Variants in ULK4 observed in about 807,000 individuals in gnomAD.
The protein encoded by ULK4 is unc-51 like kinase 4.
In ULK4, 133 loss-of-function variants were observed where a neutral mutation model predicts 160.6. The ratio of observed to expected loss-of-function variants is 0.83; its 90% confidence interval spans 0.72 to 0.96. The LOEUF (loss-of-function observed/expected upper bound fraction) is 0.96, where lower values mean the gene tolerates loss of function less well. Among genes scored for constraint, ULK4 ranks in the 40% least tolerant of loss-of-function variants. The probability of loss-of-function intolerance (pLI) is 0.00; values close to 1 mark genes in which losing one functional copy is unlikely to be tolerated. For missense variants in ULK4, 1,580 were observed against 1,499.5 expected (o/e 1.05, Z -0.89); for synonymous variants, 534 against 539.8 (o/e 0.99, Z 0.15).
chr3:41,608,643 T>C (rs191771065), intron 31 of ULK4, among the ~76,000 whole-genome samples: 112 of 152,314 alleles, frequency 7.4e-4, no homozygotes, highest in African/African-American at 2.6e-3. Context: ...CAATGCCTGA[T>C]CACAGTAAGC....
chr3:41,498,195 G>C (rs1438148307), intron 32 of ULK4, among the ~76,000 whole-genome samples: 1 of 152,192 alleles, frequency 6.6e-6, no homozygotes, highest in Non-Finnish European at 1.5e-5. Flanking sequence ...TGAAATGTTT[G>C]AGTGTGTTCA....
intron 34 of ULK4, among the ~76,000 whole-genome samples, chr3:41,405,727 T>C (rs1357824475): frequency 2.0e-5 from 3 of 152,210 alleles, no homozygotes; most frequent in African/African-American, 4.8e-5. Flanking sequence ...ACTAATTATG[T>C]GGAGCACTTT....
chr3:41,869,064 T>C (rs549010851), intron 17 of ULK4: 2 of 152,282 alleles, frequency 1.3e-5, no homozygotes, highest in East Asian at 1.9e-4. Context: ...TACAATCAAT[T>C]AGTTGTAAAC....
At chr3:41,380,672 T>C (rs1484314239) in intron 35 of ULK4, among the ~76,000 whole-genome samples, 1 of 152,126 alleles carries the variant, frequency 6.6e-6, no homozygotes, top group African/African-American at 2.4e-5. Flanking sequence ...TCCAAGTTTA[T>C]ACAGGTCGCC....
intron 35 of ULK4, among the ~76,000 whole-genome samples, chr3:41,303,136 C>G (rs1418236239): frequency 6.6e-6 from 1 of 152,024 alleles, no homozygotes; most frequent in Non-Finnish European, 1.5e-5. Flanking sequence ...ATAGTATTGC[C>G]TCTGATAATA....
At chr3:41,795,387 G>C (rs12186050) in intron 20 of ULK4, among the ~76,000 whole-genome samples, 18,583 of 152,100 alleles carry the variant, frequency 0.12, 1,333 homozygotes, top group Middle Eastern at 0.27. Flanking sequence ...CCAGTAAAGA[G>C]GGGAGTTTAA....
intron 21 of ULK4, among the ~76,000 whole-genome samples, chr3:41,773,523 A>T (rs1466777278): frequency 6.6e-6 from 1 of 152,222 alleles, no homozygotes. Flanking sequence ...AGGGATGTCA[A>T]GGACCTCTTC....
At chr3:41,411,826 C>T (rs996679021) in intron 34 of ULK4, among the ~76,000 whole-genome samples, 3 of 151,936 alleles carry the variant, frequency 2.0e-5, no homozygotes, top group South Asian at 4.2e-4. Context: ...CCCCTCTTTT[C>T]GTGGACATTC....
intron 32 of ULK4, among the ~76,000 whole-genome samples, chr3:41,550,853 A>G (rs558630665): frequency 1.3e-5 from 2 of 152,150 alleles, no homozygotes; most frequent in African/African-American, 4.8e-5. Flanking sequence ...TCAGCACATT[A>G]AACATTCTCC....
chr3:41,815,498 G>A (rs1486387398), intron 19 of ULK4, among the ~76,000 whole-genome samples: 1 of 152,102 alleles, frequency 6.6e-6, no homozygotes, highest in Non-Finnish European at 1.5e-5. Flanking sequence ...TTGCTGCTAA[G>A]AAATTAGCTG....
chr3:41,731,357 G>GA (rs2037814913), intron 22 of ULK4, among the ~76,000 whole-genome samples: 1 of 151,658 alleles, frequency 6.6e-6, no homozygotes, highest in Admixed American at 6.6e-5. Flanking sequence ...CAAACTATCT[G>GA]AAAAAAATCA....
At chr3:41,560,996 G>A (rs2087544952) in intron 32 of ULK4, among the ~76,000 whole-genome samples, 1 of 152,144 alleles carries the variant, frequency 6.6e-6, no homozygotes, top group Admixed American at 6.5e-5. Flanking sequence ...TATTGGCTGT[G>A]GGTATGTCAT....
At chr3:41,318,528 C>CA (rs146651790) in intron 35 of ULK4, among the ~76,000 whole-genome samples, 1,792 of 151,394 alleles carry the variant, frequency 0.012, 36 homozygotes, top group African/African-American at 0.04. Flanking sequence ...AGAAATGCCA[C>CA]AAAAAAAAGG....
intron 32 of ULK4, among the ~76,000 whole-genome samples, chr3:41,548,418 C>G (rs1278453592): frequency 6.6e-6 from 1 of 152,052 alleles, no homozygotes; most frequent in African/African-American, 2.4e-5. Context: ...CATACACCAT[C>G]AGAAACCCTG....
At chr3:41,297,280 C>A (rs1214520964) in intron 35 of ULK4, among the ~76,000 whole-genome samples, 2 of 152,194 alleles carry the variant, frequency 1.3e-5, no homozygotes, top group Non-Finnish European at 2.9e-5. Context: ...TGCTTCTCTG[C>A]AATCACTGGG....
chr3:41,767,087 T>C (rs182915039), intron 21 of ULK4, among the ~76,000 whole-genome samples: 4 of 152,352 alleles, frequency 2.6e-5, no homozygotes, highest in Admixed American at 6.5e-5. Context: ...CATTATTTTC[T>C]TATACTCATT....
chr3:41,750,696 A>G (rs575213501), intron 22 of ULK4, among the ~76,000 whole-genome samples: 2 of 152,160 alleles, frequency 1.3e-5, no homozygotes, highest in African/African-American at 2.4e-5. Context: ...TTCTGCCTCC[A>G]TAAGAAATGC....
At chr3:41,400,015 T>G (rs941254517) in intron 34 of ULK4, among the ~76,000 whole-genome samples, 1 of 152,192 alleles carries the variant, frequency 6.6e-6, no homozygotes, top group Non-Finnish European at 1.5e-5. Context: ...CCAATTTTAT[T>G]CTTTTGCATG....
chr3:41,567,923 G>A (rs1022816632), intron 31 of ULK4, among the ~76,000 whole-genome samples: 1 of 151,896 alleles, frequency 6.6e-6, no homozygotes, highest in Non-Finnish European at 1.5e-5. Flanking sequence ...TTTCCCTCAT[G>A]TTAACATCTT....
Sources: allele counts gnomAD v4.1 joint callset (sites outside exome capture counted in the v4.1 genomes callset), GRCh38; gene constraint gnomAD v4.1.1; transcripts MANE v1.5; gene names NCBI Gene and HGNC (gene_info 2026-07-23, HGNC 2026-07-21).